The following RPLP2 variants were observed in gnomAD, a reference collection of about 807,000 sequenced individuals.
The protein encoded by RPLP2 is large ribosomal subunit protein P2.
Under a neutral mutation model 11.5 loss-of-function variants are expected in RPLP2, and 1 was observed. The ratio of observed to expected loss-of-function variants is 0.09; its 90% CI spans 0.03 to 0.41. The LOEUF (loss-of-function observed/expected upper bound fraction) is 0.41, where lower values mean the gene tolerates loss of function less well. Ranked by LOEUF, RPLP2 falls within the 10% of genes least tolerant of loss-of-function variation. The pLI is 0.98. For missense variants in RPLP2, 177 were observed against 145.6 expected (o/e 1.22, Z -1.11); for synonymous variants, 82 against 55.9 (o/e 1.47, Z -2.08).
Position 811,597 on chromosome 11 carries a change from G to A in RPLP2, c.124G>A (p.Val42Ile). ...ACAGCCCTGTGATTGTCTGCTTCAG[G>A]TTATCAGTGAGCTGAATGGAAAAAA... ...IEADDDRLNK[V>I]ISELNGKNIE... The change falls in exon 3 of 5, where the codon GTT becomes ATT. Residue 42 changes from valine (V) to isoleucine (I), a missense_variant and splice_region_variant. Transcript: ENST00000321153. The A allele has an allele frequency of 6.2e-7, 1 of 1,614,186 alleles. No homozygotes were observed. The highest frequency in any genetic ancestry group is 1.1e-5 in the South Asian group (1 of 91,082).
At chr11:810,132 C>T in intron 1 of RPLP2, 93 bp downstream of exon 1, 3 of 1,341,972 alleles carry the variant, frequency 2.2e-6, no homozygotes, top group African/African-American at 1.5e-5. Context: ...GGACGGAGGC[C>T]TACGGGCCGA....
chr11:810,140 C>G (rs1590165199), intron 1 of RPLP2, 94 bp from the exon 2 acceptor site: 2 of 1,359,308 alleles, frequency 1.5e-6, no homozygotes, highest in African/African-American at 3.1e-5. Flanking sequence ...GCCTACGGGC[C>G]GAGCCACGCG....
chr11:810,636 A>G (rs1455103150), intron 2 of RPLP2: 2 of 278,552 alleles, frequency 7.2e-6, no homozygotes, highest in South Asian at 8.3e-5. Context: ...CCTACTAAAA[A>G]TACAAAAATT....
Position 810,009 on chromosome 11 carries a change from TCTCCGCCGC to T in RPLP2, c.-22_-14del, listed in dbSNP as rs17155725. The T allele has an allele frequency of 0.29, 135,918 of 476,112 alleles. 20,724 individuals carry two copies. Among genetic ancestry groups the T allele is most frequent in the South Asian group, 0.45 (9,018 of 20,070 alleles). The allele number at this position is 476,112 out of a possible 1,614,324, so 29.5% of individuals were successfully genotyped here. On this transcript the variant is annotated 5_prime_UTR_variant, in exon 1 of 5. Coordinates refer to ENST00000321153, the MANE Select transcript of RPLP2 (RefSeq NM_001004.4). ...CCACCGAGGTCGCACGCGTGAGACT[TCTCCGCCGC>T]CTCCGCCGCAGACGCCGCCGCGTGA...
chr11:811,027 A>G (rs2133835478), intron 2 of RPLP2, among the ~76,000 whole-genome samples: 1 of 150,514 alleles, frequency 6.6e-6, no homozygotes, highest in African/African-American at 2.4e-5. Context: ...AAAAAAAAAA[A>G]ATGGTTGGAG....
chr11:811,007 CA>C (rs56150719), intron 2 of RPLP2, among the ~76,000 whole-genome samples: 40,068 of 90,798 alleles, frequency 0.44, 5,443 homozygotes, highest in Admixed American at 0.52. Flanking sequence ...CCGGTCTCCA[CA>C]AAAAAAAAAA....
In RPLP2 at chr11:812,637, A is replaced by G. The variant is rs1866097435; in HGVS notation, c.271+4A>G. The G allele has an allele frequency of 6.2e-7, 1 of 1,610,582 alleles. No homozygotes were observed. The highest frequency in any genetic ancestry group is 1.3e-5 in the African/African-American group (1 of 74,982). ...GCTGGTTCTGCCCCTGCTGCAGGTA[A>G]GTGGTGGCCTGGTGAGTGGGCAAGG... On this transcript the variant is annotated splice_donor_region_variant and intron_variant, in intron 4 of 4. Transcript: ENST00000321153.
chr11:810,276 C>A lies in RPLP2; in HGVS notation c.42C>A (p.Gly14=). The change falls in exon 2 of 5, where the codon GGC becomes GGA. Residue 14 remains glycine, a synonymous_variant. Coordinates refer to ENST00000321153, the MANE Select transcript of RPLP2 (RefSeq NM_001004.4). ...VASYLLAALG[G]NSSPSAKDIK... is the part of the protein sequence containing the mutation. ...CCTACCTGCTGGCTGCCCTAGGGGGCAACTCCTCCCCCAGCGCCAAGGACA... is the reference window on the plus strand; with the variant it reads ...CCTACCTGCTGGCTGCCCTAGGGGGAAACTCCTCCCCCAGCGCCAAGGACA... 2 of 1,607,094 alleles carry A rather than the reference C, an allele frequency of 1.2e-6. No homozygotes were observed. The highest frequency in any genetic ancestry group is 1.7e-6 in the Non-Finnish European group (2 of 1,177,950).
intron 4 of RPLP2, 54 bp downstream of exon 4, chr11:812,687 G>T (rs1376507459): frequency 5.0e-6 from 8 of 1,612,624 alleles, no homozygotes; most frequent in Non-Finnish European, 6.8e-6. Context: ...CGGTGTTGCT[G>T]CAGTGGGGTC....
At chr11:812,712 G>C (rs1866099871) in intron 4 of RPLP2, 48 bp from the exon 5 acceptor site, 1 of 1,613,290 alleles carries the variant, frequency 6.2e-7, no homozygotes, top group African/African-American at 1.3e-5. Context: ...TGGGGGGACT[G>C]GCCTGGCACT....
At chr11:811,750 G>A (rs1473306229) in intron 3 of RPLP2, 105 bp downstream of exon 3, 60 of 1,428,642 alleles carry the variant, frequency 4.2e-5, no homozygotes, top group Non-Finnish European at 5.7e-5. Flanking sequence ...GAGCACCCTA[G>A]AAGCCTCACC....
chr11:811,707 A>C lies in RPLP2; in HGVS notation c.172+62A>C. The C allele has an allele frequency of 4.4e-6, 7 of 1,607,306 alleles. No individual in the cohort carries two copies. The South Asian group carries it at 6.6e-5, about 15-fold the overall frequency. ...GGTCCATCCTAATCCCTGCCGGTCC[A>C]TCTGTGGCCTGCCAGGTTTCGCTTG... On this transcript the variant is annotated intron_variant, in intron 3 of 4. Coordinates refer to ENST00000321153, the MANE Select transcript of RPLP2 (RefSeq NM_001004.4).
At position 812,489 on chromosome 11, in the gene RPLP2, C is replaced by G. The variant is rs745951536; in HGVS notation, c.173-46C>G. 9 of 1,600,706 alleles carry G rather than the reference C, an allele frequency of 5.6e-6. No individual in the cohort carries two copies. In the East Asian group the frequency reaches 1.8e-4, roughly 32 times the overall value. The stretch of plus-strand genomic sequence containing the variant: ...ATCTAACTTCCCTGTGGAACAGCCT[C>G]CCAGGCTGGGCAGCTGCTCTGGTCT... On this transcript the variant is annotated intron_variant, in intron 3 of 4. Coordinates refer to ENST00000321153, the MANE Select transcript of RPLP2 (RefSeq NM_001004.4).
chr11:811,896 G>T (rs1038032444), intron 3 of RPLP2: 5 of 720,296 alleles, frequency 6.9e-6, no homozygotes, highest in African/African-American at 3.5e-5. Context: ...ACTGCTCCTA[G>T]CCCTGAGGCC....
Position 811,624 on chromosome 11 carries a change from A to G in RPLP2, c.151A>G (p.Ile51Val). Residue 51 changes from isoleucine to valine, a missense_variant, in exon 3 of 5, where the codon ATT (isoleucine) becomes GTT (valine). By Grantham distance (29) the Ile-to-Val change is conservative. Coordinates refer to ENST00000321153, the MANE Select transcript of RPLP2 (RefSeq NM_001004.4). ...KVISELNGKN[I>V]EDVIAQGIGK... is the part of the protein sequence containing the mutation. The stretch of plus-strand genomic sequence containing the variant: ...TATCAGTGAGCTGAATGGAAAAAAC[A>G]TTGAAGACGTCATTGCCCAGGGTGA... The G allele has an allele frequency of 6.2e-7, 1 of 1,614,220 alleles. No individual in the cohort carries two copies. Among genetic ancestry groups the G allele is most frequent in the East Asian group, 2.2e-5 (1 of 44,890 alleles).
rs373136266 is a variant in RPLP2, at chr11:812,840, C to T, written c.*4C>T. On this transcript the variant is annotated 3_prime_UTR_variant, in exon 5 of 5. Transcript: ENST00000321153. ...GGGATTTGGCCTTTTTGATTAAATT[C>T]CTGCTCCCCTGCAAATAAAGCCTTT... The T allele has an allele frequency of 2.0e-5, 32 of 1,612,334 alleles. No homozygotes were observed. Among genetic ancestry groups the T allele is most frequent in the African/African-American group, 5.3e-5 (4 of 74,842 alleles).
In RPLP2 at chr11:812,811, A is replaced by T; in HGVS notation, c.323A>T (p.Asp108Val). The change falls in exon 5 of 5, where the codon GAC (aspartate) becomes GTC (valine). Residue 108 changes from aspartate to valine, a missense_variant. By Grantham distance (152) the Asp-to-Val change is radical. Transcript: ENST00000321153. ...GAGGAGTCTGAAGAGTCAGATGATG[A>T]CATGGGATTTGGCCTTTTTGATTAA... The part of the protein sequence containing the change: ...KKEESEESDD[D>V]MGFGLFD The T allele has an allele frequency of 6.2e-7, 1 of 1,613,574 alleles. No individual in the cohort carries two copies. The highest frequency in any genetic ancestry group is 8.5e-7 in the Non-Finnish European group (1 of 1,180,026).
At position 812,805 on chromosome 11, in the gene RPLP2, A is replaced by G. The variant is rs1458426832; in HGVS notation, c.317A>G (p.Asp106Gly). The change falls in exon 5 of 5, where the codon GAT (aspartate) becomes GGT (glycine). Residue 106 changes from aspartate to glycine, a missense_variant. Physicochemically the swap from Asp to Gly is moderately conservative, Grantham distance 94. Transcript: ENST00000321153. ...AAGAAGGAGGAGTCTGAAGAGTCAGATGATGACATGGGATTTGGCCTTTTT... is the reference window on the plus strand; with the variant it reads ...AAGAAGGAGGAGTCTGAAGAGTCAGGTGATGACATGGGATTTGGCCTTTTT... Reference protein sequence around the residue: ...DEKKEESEESDDDMGFGLFD With the variant: ...DEKKEESEESGDDMGFGLFD 2 of 1,613,740 alleles carry G rather than the reference A, an allele frequency of 1.2e-6. No individual in the cohort carries two copies. Among genetic ancestry groups the G allele is most frequent in the Non-Finnish European group, 1.7e-6 (2 of 1,180,032 alleles).
intron 3 of RPLP2, chr11:811,950 T>C: frequency 1.6e-6 from 1 of 608,978 alleles, no homozygotes; most frequent in Non-Finnish European, 3.0e-6. Context: ...GAGAACTGAG[T>C]TCACGTCAGC....
Sources: gnomAD v4.1 joint callset for allele counts (sites outside exome capture counted in the v4.1 genomes callset) on GRCh38, gnomAD v4.1.1 for gene constraint, MANE v1.5 for transcripts, NCBI Gene and HGNC (gene_info 2026-07-23, HGNC 2026-07-21) for gene names.